Variants in PRKN observed in about 807,000 individuals in gnomAD.
PRKN encodes E3 ubiquitin-protein ligase parkin.
A neutral mutation model predicts 59.5 loss-of-function variants in PRKN; 56 were observed. The observed-to-expected ratio is 0.94, with a 90% CI of 0.76 to 1.18. PRKN has a LOEUF of 1.18. PRKN is among the 50% of genes most tolerant of loss of function. The pLI, the probability that PRKN is intolerant of heterozygous loss-of-function variation, is 0.00. For synonymous variants in PRKN, 250 were observed against 222.1 expected (o/e 1.13, Z -1.12); for missense variants, 657 against 596.4 (o/e 1.10, Z -1.06).
chr6:161,682,789 GCCAC>G (rs935549090), intron 7 of PRKN, among the ~76,000 whole-genome samples: 21 of 152,162 alleles, frequency 1.4e-4, no homozygotes, highest in Non-Finnish European at 3.1e-4. Flanking sequence ...GCAGAACATG[GCCAC>G]AGCATGAAGA....
At position 161,413,569 on chromosome 6, in the gene PRKN, A is replaced by G. The variant is rs564369606; in HGVS notation, c.1084-26692T>C. On this transcript the variant is annotated intron_variant, in intron 9 of 11. Coordinates refer to ENST00000366898, the MANE Select transcript of PRKN (RefSeq NM_004562.3). The surrounding 1 kb of genome is among the most constrained non-coding windows in gnomAD (Gnocchi z 4.4). ...GGCACGCTGGCCATGGTGGGATGGC[A>G]GCGTGGGCCAGGAAAGCCTGGGAAC... 6.6e-6 allele frequency among the ~76,000 whole-genome samples: 1 copy of G among 152,280 alleles called. No individual in the cohort carries two copies. The highest frequency in any genetic ancestry group is 6.5e-5 in the Admixed American group (1 of 15,300).
At chr6:162,072,789 G>T (rs139794388) in intron 4 of PRKN, among the ~76,000 whole-genome samples, 1 of 152,300 alleles carries the variant, frequency 6.6e-6, no homozygotes, top group African/African-American at 2.4e-5. Context: ...TTTATGATAT[G>T]TAATGTGGAA....
intron 9 of PRKN, among the ~76,000 whole-genome samples, chr6:161,493,658 G>T (rs1777639660): frequency 6.6e-6 from 1 of 152,214 alleles, no homozygotes; most frequent in Admixed American, 6.5e-5. Flanking sequence ...GCCGATGAGG[G>T]AGGGACGCTG....
intron 1 of PRKN, among the ~76,000 whole-genome samples, chr6:162,487,830 CTT>C (rs558672701): frequency 4.1e-4 from 63 of 152,240 alleles, no homozygotes; most frequent in African/African-American, 1.5e-3. Context: ...AATCCCAACA[CTT>C]TGGGAGGCCA....
chr6:161,450,414 A>G (rs1789677060), intron 9 of PRKN, among the ~76,000 whole-genome samples: 1 of 152,242 alleles, frequency 6.6e-6, no homozygotes, highest in Admixed American at 6.5e-5. Flanking sequence ...GACATGCCAC[A>G]TGCAAGTGAT....
intron 2 of PRKN, among the ~76,000 whole-genome samples, chr6:162,398,084 A>AACT (rs1787567037): frequency 6.6e-6 from 1 of 152,010 alleles, no homozygotes; most frequent in Admixed American, 6.6e-5. Context: ...GTGGAAAAGA[A>AACT]ACTAAACAAA....
At chr6:162,211,440 T>C (rs184706856) in intron 3 of PRKN, among the ~76,000 whole-genome samples, 1 of 152,206 alleles carries the variant, frequency 6.6e-6, no homozygotes. Context: ...ATGGAATCCA[T>C]GGAATGACCT....
chr6:161,792,334 G>A (rs550998390), intron 6 of PRKN, among the ~76,000 whole-genome samples: 2 of 152,340 alleles, frequency 1.3e-5, no homozygotes, highest in African/African-American at 4.8e-5. Flanking sequence ...ATTCATGAAT[G>A]TAGGGGCATT....
chr6:162,646,110 A>G (rs951953584), intron 1 of PRKN, among the ~76,000 whole-genome samples: 7 of 151,654 alleles, frequency 4.6e-5, no homozygotes, highest in South Asian at 4.2e-4. Flanking sequence ...CTGACCTCGT[A>G]AACCGCCCGC....
chr6:162,066,909 A>G (rs1778363733), intron 4 of PRKN, among the ~76,000 whole-genome samples: 1 of 152,194 alleles, frequency 6.6e-6, no homozygotes, highest in Non-Finnish European at 1.5e-5. Flanking sequence ...CTTTTATGGT[A>G]ACAGAATTTC....
At chr6:161,631,557 G>C (rs1783310541) in intron 7 of PRKN, among the ~76,000 whole-genome samples, 1 of 152,278 alleles carries the variant, frequency 6.6e-6, no homozygotes, top group Non-Finnish European at 1.5e-5. Context: ...ATTGCCTATG[G>C]CATAAGGCAT....
chr6:162,394,592 G>A (rs1266412099), intron 2 of PRKN, among the ~76,000 whole-genome samples: 1 of 152,166 alleles, frequency 6.6e-6, no homozygotes, highest in Non-Finnish European at 1.5e-5. Flanking sequence ...AGGCTTCCCG[G>A]TAGAAATTTC....
At chr6:162,698,552 C>T (rs1288580029) in intron 1 of PRKN, among the ~76,000 whole-genome samples, 3 of 152,150 alleles carry the variant, frequency 2.0e-5, no homozygotes, top group African/African-American at 7.2e-5. Flanking sequence ...GCTTCATTTT[C>T]CTCTTTCCCT....
intron 4 of PRKN, among the ~76,000 whole-genome samples, chr6:162,096,502 A>C (rs1006831810): frequency 6.6e-6 from 1 of 152,130 alleles, no homozygotes; most frequent in African/African-American, 2.4e-5. Flanking sequence ...GCCTCTACCC[A>C]AATCTCATCC....
chr6:162,041,467 G>A (rs2128282077), intron 5 of PRKN, among the ~76,000 whole-genome samples: 1 of 152,248 alleles, frequency 6.6e-6, no homozygotes, highest in Non-Finnish European at 1.5e-5. Context: ...TCCTCTTAAA[G>A]CTCCAAATGC....
chr6:162,079,755 C>T (rs1036912338), intron 4 of PRKN, among the ~76,000 whole-genome samples: 6 of 152,008 alleles, frequency 3.9e-5, no homozygotes, highest in South Asian at 2.1e-4. Flanking sequence ...TAGAGTTATG[C>T]GTGATTTTGA....
At chr6:161,863,516 G>GT (rs1204656437) in intron 6 of PRKN, among the ~76,000 whole-genome samples, 2 of 151,820 alleles carry the variant, frequency 1.3e-5, no homozygotes, top group Non-Finnish European at 2.9e-5. Flanking sequence ...CTTAAGAAAA[G>GT]TGAGTTTAGA....
At position 161,363,607 on chromosome 6, in the gene PRKN, G is replaced by A. The variant is rs1457552434; in HGVS notation, c.1168-3402C>T. 6.6e-6 allele frequency among the ~76,000 whole-genome samples: 1 copy of A among 152,044 alleles called. No homozygotes were observed. The highest frequency in any genetic ancestry group is 1.5e-5 in the Non-Finnish European group (1 of 67,944). On this transcript the variant is annotated intron_variant, in intron 10 of 11. Transcript: ENST00000366898. This position sits in a 1 kb window ranked among gnomAD's most constrained non-coding sequence, Gnocchi z 4.1. The stretch of plus-strand genomic sequence containing the variant: ...TAGAGTTCTGGAAGGAGATAACAAA[G>A]AGCATGAGAGAGAAACAGTGTTTGG...
chr6:162,245,286 T>C (rs1472905090), intron 3 of PRKN, among the ~76,000 whole-genome samples: 1 of 152,080 alleles, frequency 6.6e-6, no homozygotes, highest in African/African-American at 2.4e-5. Context: ...TCAAATATTA[T>C]GGTTTATTGC....
Sources: gnomAD v4.1 joint callset for allele counts (sites outside exome capture counted in the v4.1 genomes callset) on GRCh38, gnomAD v4.1.1 for gene constraint, Gnocchi (gnomAD v3.1) non-coding constraint, MANE v1.5 for transcripts, NCBI Gene and HGNC (gene_info 2026-07-23, HGNC 2026-07-21) for gene names.